Variants in CCL28 observed in about 807,000 individuals in gnomAD.
CCL28 encodes C-C motif chemokine 28.
In CCL28, 4 loss-of-function variants were observed where a neutral mutation model predicts 7.1. The ratio of observed to expected loss-of-function variants is 0.56; its 90% CI spans 0.28 to 1.29. The LOEUF is 1.29. Ranked by LOEUF, CCL28 falls within the 50% of genes most tolerant of loss-of-function variation. The pLI, the probability that CCL28 is intolerant of heterozygous loss-of-function variation, is 0.11. For missense variants in CCL28, 151 were observed against 163.4 expected, an observed-to-expected ratio of 0.92 and a Z score of 0.41; for synonymous variants, 55 against 57.8, an observed-to-expected ratio of 0.95 and a Z score of 0.22.
At position 43,380,001 on chromosome 5, in the gene CCL28, A is replaced by G. The variant is rs1486944507; in HGVS notation, c.*1859T>C. On this transcript the variant is annotated 3_prime_UTR_variant, in exon 3 of 3. Coordinates refer to ENST00000361115, the MANE Select transcript of CCL28 (RefSeq NM_148672.3). ...GGGGTGTGGTGGCTGGGCGCCTGTA[A>G]TATCAGTTACTTGGGAGGCTGAGGC... 1 of 152,122 alleles carries G rather than the reference A, an allele frequency of 6.6e-6. No homozygotes were observed. The highest frequency in any genetic ancestry group is 1.5e-5 in the Non-Finnish European group (1 of 68,044). The allele number at this position is 152,122 out of a possible 1,614,324, so 9.4% of individuals were successfully genotyped here.
At chr5:43,375,225 G>A (rs139960116), downstream of CCL28, among the ~76,000 whole-genome samples, 1,112 of 151,570 alleles carry the variant, frequency 7.3e-3, 7 homozygotes, top group Middle Eastern at 0.034. Context: ...TCCTGACCTC[G>A]TGATCCACCC....
chr5:43,368,360 C>A, the CCL28 span, among the ~76,000 whole-genome samples: 1 of 152,144 alleles, frequency 6.6e-6, no homozygotes, highest in African/African-American at 2.4e-5. Context: ...AATAAAACAA[C>A]AACAGTTTTG....
At chr5:43,376,262 G>A (rs1257608619), downstream of CCL28, among the ~76,000 whole-genome samples, 2 of 152,126 alleles carry the variant, frequency 1.3e-5, no homozygotes, top group Non-Finnish European at 2.9e-5. Flanking sequence ...TTAGATTCTA[G>A]ACCAGTTGTT....
At chr5:43,363,070 A>G in the CCL28 span, among the ~76,000 whole-genome samples, 1 of 152,314 alleles carries the variant, frequency 6.6e-6, no homozygotes, top group East Asian at 1.9e-4. Context: ...ATTTACAAGA[A>G]CTAGAGTATT....
At chr5:43,397,846 A>G (rs1024208960) in intron 1 of CCL28, among the ~76,000 whole-genome samples, 1 of 152,024 alleles carries the variant, frequency 6.6e-6, no homozygotes, top group Non-Finnish European at 1.5e-5. Context: ...TTTGGTTTGT[A>G]TTCATTTATT....
the CCL28 span, among the ~76,000 whole-genome samples, chr5:43,369,045 AGAGAGAGAGAGAGAGAG>A: frequency 1.3e-4 from 3 of 22,486 alleles, no homozygotes; most frequent in African/African-American, 1.7e-3. Context: ...AAAGAGAGAG[AGAGAGAGAGAGAGAGAG>A]AGAGAGAGAG....
At chr5:43,404,870 T>C (rs768435871) in intron 1 of CCL28, among the ~76,000 whole-genome samples, 15 of 152,146 alleles carry the variant, frequency 9.9e-5, no homozygotes, top group Admixed American at 6.5e-5. Flanking sequence ...TAGTCTCTGA[T>C]AAGACAGACT....
At chr5:43,376,644 GT>G (rs1272636134), downstream of CCL28, 1 of 152,300 alleles carries the variant, frequency 6.6e-6, no homozygotes, top group Non-Finnish European at 1.5e-5. Context: ...AGACAGCAGA[GT>G]TTGCAGCAGA....
intron 1 of CCL28, among the ~76,000 whole-genome samples, chr5:43,407,538 C>A (rs1741336780): frequency 1.3e-5 from 2 of 152,316 alleles, no homozygotes; most frequent in South Asian, 4.1e-4. Flanking sequence ...ACCATGAAAA[C>A]CCTAGAAGAA....
In CCL28 at chr5:43,381,307, T is replaced by C. The variant is rs1234528995; in HGVS notation, c.*553A>G. The C allele has an allele frequency of 6.6e-6, 1 of 152,198 alleles. No individual in the cohort carries two copies. Among genetic ancestry groups the C allele is most frequent in the African/African-American group, 2.4e-5 (1 of 41,460 alleles). 9.4% of individuals were successfully genotyped at this position (152,198 alleles called of 1,614,324 possible). ...TAACTTCTCTGTAAGTTTGGAAAAC[T>C]ATAATTAAAAAGTTGGGAGAAGTTA... On this transcript the variant is annotated 3_prime_UTR_variant, in exon 3 of 3. Coordinates refer to ENST00000361115, the MANE Select transcript of CCL28 (RefSeq NM_148672.3).
At chr5:43,358,118 A>G in the CCL28 span, among the ~76,000 whole-genome samples, 1 of 152,376 alleles carries the variant, frequency 6.6e-6, no homozygotes, top group African/African-American at 2.4e-5. Context: ...GTTCTGAAGC[A>G]CAATACAGGC....
At chr5:43,374,424 A>G (rs916106394), downstream of CCL28, among the ~76,000 whole-genome samples, 2 of 152,236 alleles carry the variant, frequency 1.3e-5, no homozygotes, top group Non-Finnish European at 2.9e-5. Flanking sequence ...GAATTGTCAA[A>G]AGAACATCGA....
intron 1 of CCL28, among the ~76,000 whole-genome samples, chr5:43,392,627 C>T (rs1740621160): frequency 6.6e-6 from 1 of 152,166 alleles, no homozygotes; most frequent in Non-Finnish European, 1.5e-5. Flanking sequence ...ATGAGAGTTC[C>T]ATTTCTGCAC....
chr5:43,393,376 G>A (rs977732797), intron 1 of CCL28, among the ~76,000 whole-genome samples: 1 of 150,814 alleles, frequency 6.6e-6, no homozygotes, highest in African/African-American at 2.4e-5. Context: ...TTTTTCTGAG[G>A]CAGAGTATCA....
chr5:43,358,176 A>G, the CCL28 span, among the ~76,000 whole-genome samples: 2 of 152,214 alleles, frequency 1.3e-5, no homozygotes, highest in East Asian at 1.9e-4. Context: ...GTAATATTTA[A>G]TAAGTGCTCA....
intron 1 of CCL28, among the ~76,000 whole-genome samples, chr5:43,411,371 A>T (rs1741530799): frequency 6.6e-6 from 1 of 152,192 alleles, no homozygotes; most frequent in Non-Finnish European, 1.5e-5. Flanking sequence ...ACTTTAGAAG[A>T]GATTCCCTCT....
rs145210078 is a variant in CCL28, at chr5:43,392,446, T to C, written c.65-3970A>G. 2.6e-3 allele frequency among the ~76,000 whole-genome samples: 398 copies of C among 152,274 alleles called. 2 individuals carry two copies. The highest frequency in any genetic ancestry group is 9.1e-3 in the African/African-American group (379 of 41,556). On this transcript the variant is annotated intron_variant, in intron 1 of 2. Coordinates refer to ENST00000361115, the MANE Select transcript of CCL28 (RefSeq NM_148672.3). Reference sequence around the variant, plus strand: ...TTTGCATATCTAATAACTTCCCTGGTGATGTTGATACTGCTAGTCCTGGAA... The same window carrying C: ...TTTGCATATCTAATAACTTCCCTGGCGATGTTGATACTGCTAGTCCTGGAA...
At chr5:43,392,385 G>A (rs531615262) in intron 1 of CCL28, among the ~76,000 whole-genome samples, 1 of 152,304 alleles carries the variant, frequency 6.6e-6, no homozygotes, top group East Asian at 1.9e-4. Context: ...CCAAAGTGCT[G>A]AGATTACAGG....
chr5:43,362,032 G>T, the CCL28 span, among the ~76,000 whole-genome samples: 3 of 152,088 alleles, frequency 2.0e-5, no homozygotes, highest in East Asian at 5.8e-4. Context: ...GTTCTGTGAA[G>T]AATGTCATTG....
Sources: gnomAD v4.1 joint callset for allele counts (sites outside exome capture counted in the v4.1 genomes callset) on GRCh38, gnomAD v4.1.1 for gene constraint, MANE v1.5 for transcripts, NCBI Gene and HGNC (gene_info 2026-07-23, HGNC 2026-07-21) for gene names.